Variants in OSBPL3 observed in about 807,000 individuals in gnomAD.
OSBPL3 encodes the protein oxysterol binding protein like 3, also known as oxysterol-binding protein-related protein 3.
In OSBPL3, 65 loss-of-function variants were observed where a neutral mutation model predicts 120.1. The ratio of observed to expected loss-of-function variants is 0.54; its 90% CI spans 0.44 to 0.67. The LOEUF is 0.67. Ranked by LOEUF, OSBPL3 falls within the 30% of genes least tolerant of loss-of-function variation. OSBPL3 has a pLI of 0.00. For missense variants in OSBPL3, 1,004 were observed against 1,082.1 expected (o/e 0.93, Z 1.01); for synonymous variants, 416 against 402.6 (o/e 1.03, Z -0.40).
At chr7:24,837,958 C>G (rs904580419) in intron 14 of OSBPL3, among the ~76,000 whole-genome samples, 3 of 152,160 alleles carry the variant, frequency 2.0e-5, no homozygotes, top group African/African-American at 7.2e-5. Context: ...CTCTAAAAAC[C>G]TCATGTTTAC....
chr7:24,873,293 C>A lies in OSBPL3; in HGVS notation c.97-1224G>T, dbSNP rs1207196021. ...CACAAGTGGTCTAACAGGGAGGGCA[C>A]AGAAACCACACAGGGTCCTGAGTGG... is the stretch of plus-strand genomic sequence containing the variant. On this transcript the variant is annotated intron_variant, in intron 2 of 22. Transcript: ENST00000313367. This position sits in a 1 kb window ranked among gnomAD's most constrained non-coding sequence, Gnocchi z 4.1. 6.6e-6 allele frequency among the ~76,000 whole-genome samples: 1 copy of A among 152,180 alleles called. No homozygotes were observed. The highest frequency in any genetic ancestry group is 1.5e-5 in the Non-Finnish European group (1 of 68,036).
At position 24,922,699 on chromosome 7, in the gene OSBPL3, C is replaced by T. The variant is rs1327563066; in HGVS notation, c.-149-30078G>A. 6.6e-6 allele frequency among the ~76,000 whole-genome samples: 1 copy of T among 152,274 alleles called. No individual in the cohort carries two copies. The highest frequency in any genetic ancestry group is 3.4e-3 in the Middle Eastern group (1 of 294). On this transcript the variant is annotated intron_variant, in intron 1 of 22. Transcript: ENST00000313367. This position sits in a 1 kb window ranked among gnomAD's most constrained non-coding sequence, Gnocchi z 4.3. Reference sequence around the variant, plus strand: ...TCAGTCTGACCTCATTCTAGCCTGACCACCTGCTTCACAGCCTTGCTATGA... The same window carrying T: ...TCAGTCTGACCTCATTCTAGCCTGATCACCTGCTTCACAGCCTTGCTATGA...
At chr7:24,948,898 C>T (rs1814056088) in intron 1 of OSBPL3, among the ~76,000 whole-genome samples, 1 of 152,190 alleles carries the variant, frequency 6.6e-6, no homozygotes, top group South Asian at 2.1e-4. Context: ...TGCTCCTAGT[C>T]AACAGAAACA....
chr7:24,848,160 C>A lies in OSBPL3; in HGVS notation c.1266+909G>T, dbSNP rs375351299. On this transcript the variant is annotated intron_variant, in intron 12 of 22. Coordinates refer to ENST00000313367, the MANE Select transcript of OSBPL3 (RefSeq NM_015550.4). Reference sequence around the variant, plus strand: ...CCTCAACTCGCCTCACCACCCCGCACAATGGCTTCCCAAGGAGTGAAGGTG... The same window carrying A: ...CCTCAACTCGCCTCACCACCCCGCAAAATGGCTTCCCAAGGAGTGAAGGTG... Among the ~76,000 whole-genome samples the A allele has an allele frequency of 1.2e-4, 18 of 152,320 alleles. No homozygotes were observed. The South Asian group carries it at 3.5e-3, about 30-fold the overall frequency.
intron 1 of OSBPL3, among the ~76,000 whole-genome samples, chr7:24,907,103 C>T (rs934777079): frequency 1.3e-5 from 2 of 152,064 alleles, no homozygotes. Flanking sequence ...GACCTCATCA[C>T]CCCCCAATGT....
chr7:24,971,653 G>C (rs922990585), intron 1 of OSBPL3, among the ~76,000 whole-genome samples: 2 of 152,206 alleles, frequency 1.3e-5, no homozygotes, highest in Non-Finnish European at 2.9e-5. Flanking sequence ...AAGGGTAAAG[G>C]GATGTTGGAA....
rs1012449959 is a variant in OSBPL3, at chr7:24,834,816, A to G, written c.1496-80T>C. 7.9e-7 allele frequency: 1 copy of G among 1,266,802 alleles called. No homozygotes were observed. The highest frequency in any genetic ancestry group is 1.1e-6 in the Non-Finnish European group (1 of 932,390). 78.5% of individuals were successfully genotyped at this position (1,266,802 alleles called of 1,614,324 possible). Reference sequence around the variant, plus strand: ...ATTTTTAATCCACGAATAAAACCTTACGTAGCAAGTAGTCAATGTTACTAT... The same window carrying G: ...ATTTTTAATCCACGAATAAAACCTTGCGTAGCAAGTAGTCAATGTTACTAT... On this transcript the variant is annotated intron_variant, in intron 14 of 22. Transcript: ENST00000313367. The surrounding 1 kb of genome is among the most constrained non-coding windows in gnomAD (Gnocchi z 5.2).
intron 14 of OSBPL3, among the ~76,000 whole-genome samples, chr7:24,839,347 T>A (rs1352214580): frequency 6.6e-6 from 1 of 152,204 alleles, no homozygotes; most frequent in East Asian, 1.9e-4. Flanking sequence ...CAGGCCAGTC[T>A]GCTTACTGAA....
chr7:24,903,583 A>G (rs1042905765), intron 1 of OSBPL3, among the ~76,000 whole-genome samples: 14 of 152,240 alleles, frequency 9.2e-5, no homozygotes, highest in African/African-American at 3.4e-4. Flanking sequence ...TCACAAGGGT[A>G]TCACCAAATA....
intron 16 of OSBPL3, among the ~76,000 whole-genome samples, chr7:24,826,484 T>C (rs1039745948): frequency 6.6e-6 from 1 of 152,172 alleles, no homozygotes; most frequent in South Asian, 2.1e-4. Flanking sequence ...GTGTATACTG[T>C]ACTCCAGTAG....
chr7:24,801,118 G>A (rs969949125), intron 22 of OSBPL3, among the ~76,000 whole-genome samples: 4 of 151,168 alleles, frequency 2.6e-5, no homozygotes, highest in Admixed American at 1.3e-4. Flanking sequence ...GCGGGCACCC[G>A]TAATCCCAGC....
chr7:24,949,847 T>A (rs1814177903), intron 1 of OSBPL3, among the ~76,000 whole-genome samples: 1 of 152,274 alleles, frequency 6.6e-6, no homozygotes, highest in African/African-American at 2.4e-5. Context: ...CCCCGCTCCC[T>A]CAGCGCTGCT....
At chr7:24,949,717 A>G (rs1481619412) in intron 1 of OSBPL3, among the ~76,000 whole-genome samples, 1 of 152,190 alleles carries the variant, frequency 6.6e-6, no homozygotes, top group Non-Finnish European at 1.5e-5. Flanking sequence ...TGACCCAGAA[A>G]GGCGGAAGTA....
chr7:24,956,252 A>G (rs564908150), intron 1 of OSBPL3, among the ~76,000 whole-genome samples: 27 of 152,360 alleles, frequency 1.8e-4, no homozygotes, highest in African/African-American at 6.5e-4. Context: ...CCTGCCCCTG[A>G]CTCAGCCTCA....
At chr7:24,874,895 G>A (rs1802637453) in intron 2 of OSBPL3, among the ~76,000 whole-genome samples, 1 of 152,288 alleles carries the variant, frequency 6.6e-6, no homozygotes, top group Non-Finnish European at 1.5e-5. Flanking sequence ...CATGAGTTGT[G>A]AGGCCAACAT....
intron 1 of OSBPL3, among the ~76,000 whole-genome samples, chr7:24,945,787 T>C (rs766642334): frequency 2.6e-5 from 4 of 152,254 alleles, no homozygotes; most frequent in African/African-American, 7.2e-5. Context: ...GTTCGAATTA[T>C]GTTAAGGCTC....
At chr7:24,812,614 T>C (rs1006358691) in intron 19 of OSBPL3, among the ~76,000 whole-genome samples, 3 of 152,124 alleles carry the variant, frequency 2.0e-5, no homozygotes, top group African/African-American at 7.2e-5. Flanking sequence ...TATGAAAGAA[T>C]GGCAAAGGCA....
In OSBPL3 at chr7:24,863,700, A is replaced by AT. The variant is rs924034048; in HGVS notation, c.674-102dup. On this transcript the variant is annotated intron_variant, in intron 7 of 22. Coordinates refer to ENST00000313367, the MANE Select transcript of OSBPL3 (RefSeq NM_015550.4). The surrounding 1 kb of genome is among the most constrained non-coding windows in gnomAD (Gnocchi z 5.8). Reference sequence around the variant, plus strand: ...ACTTTTCCTTATTTATCTGTAGTTGATTTTTTTTTTCATCTGTAAGGGTTG... The same window carrying AT: ...ACTTTTCCTTATTTATCTGTAGTTGATTTTTTTTTTTCATCTGTAAGGGTTG... 2.2e-3 allele frequency: 1,525 copies of AT among 705,858 alleles called. 3 individuals are homozygous for AT. Among genetic ancestry groups the AT allele is most frequent in the Admixed American group, 2.4e-3 (90 of 36,892 alleles). The allele number at this position is 705,858 out of a possible 1,614,324, so 43.7% of individuals were successfully genotyped here. A position where few individuals can be genotyped will look rare whatever the true frequency, so the allele number is the denominator to read the frequency against.
In OSBPL3 at chr7:24,881,087, T is replaced by C. The variant is rs1348746128; in HGVS notation, c.97-9018A>G. Among the ~76,000 whole-genome samples the C allele has an allele frequency of 6.6e-6, 1 of 152,190 alleles. No homozygotes were observed. The highest frequency in any genetic ancestry group is 2.4e-5 in the African/African-American group (1 of 41,450). Reference sequence around the variant, plus strand: ...ACAGCACCAGCTGAGAACAGTGCTCTCTCTTACAGAGTGCTCAAAACTATT... The same window carrying C: ...ACAGCACCAGCTGAGAACAGTGCTCCCTCTTACAGAGTGCTCAAAACTATT... On this transcript the variant is annotated intron_variant, in intron 2 of 22. Coordinates refer to ENST00000313367, the MANE Select transcript of OSBPL3 (RefSeq NM_015550.4). This position sits in a 1 kb window ranked among gnomAD's most constrained non-coding sequence, Gnocchi z 4.3.
Sources: gnomAD v4.1 joint callset for allele counts (sites outside exome capture counted in the v4.1 genomes callset) on GRCh38, gnomAD v4.1.1 for gene constraint, Gnocchi (gnomAD v3.1) non-coding constraint, MANE v1.5 for transcripts, NCBI Gene and HGNC (gene_info 2026-07-23, HGNC 2026-07-21) for gene names.